The following RPTOR variants were observed in gnomAD, a reference collection of about 807,000 sequenced individuals.
RPTOR encodes regulatory associated protein of MTOR complex 1.
Under a neutral mutation model 169.9 loss-of-function variants are expected in RPTOR, and 21 were observed. The ratio of observed to expected loss-of-function variants is 0.12; its 90% CI spans 0.09 to 0.18. The LOEUF (loss-of-function observed/expected upper bound fraction) is 0.18, where lower values mean the gene tolerates loss of function less well. Among genes scored for constraint, RPTOR ranks in the 10% least tolerant of loss-of-function variants. The pLI, the probability that RPTOR is intolerant of heterozygous loss-of-function variation, is 1.00. For synonymous variants in RPTOR, 732 were observed against 753.2 expected (o/e 0.97, Z 0.46); for missense variants, 1,133 against 1,855.9 (o/e 0.61, Z 7.16).
intron 1 of RPTOR, among the ~76,000 whole-genome samples, chr17:80,567,298 T>A (rs1273799112): frequency 1.3e-5 from 2 of 152,030 alleles, no homozygotes; most frequent in East Asian, 1.9e-4. Context: ...TTTTATTTTT[T>A]TTTTTGGTGG....
At chr17:80,911,142 G>C (rs1055621689) in intron 21 of RPTOR, among the ~76,000 whole-genome samples, 6 of 152,162 alleles carry the variant, frequency 3.9e-5, no homozygotes, top group African/African-American at 1.4e-4. Flanking sequence ...GTTCTTTATG[G>C]TATCACCGGT....
chr17:80,855,986 C>A (rs2067848285), intron 12 of RPTOR, among the ~76,000 whole-genome samples: 1 of 152,212 alleles, frequency 6.6e-6, no homozygotes, highest in African/African-American at 2.4e-5. Flanking sequence ...AAACGCTCTT[C>A]TGGTTCCTCA....
chr17:80,909,360 C>T (rs764351407), intron 21 of RPTOR, among the ~76,000 whole-genome samples: 3 of 151,904 alleles, frequency 2.0e-5, no homozygotes, highest in South Asian at 4.2e-4. Context: ...GGATTACAAG[C>T]GTGAGCCACT....
intron 21 of RPTOR, among the ~76,000 whole-genome samples, chr17:80,918,548 A>ACGGGGGTCATAGCCATGAGCACCCTCG (rs2068707802): frequency 2.3e-5 from 1 of 44,316 alleles, no homozygotes; most frequent in African/African-American, 6.2e-5. Context: ...GAGCACCCTC[A>ACGGGGGTCATAGCCATGAGCACCCTCG]CGGGGGTCAT....
rs372919520 is a variant in RPTOR, at chr17:80,571,999, G to T, written c.162+26208G>T. Among the ~76,000 whole-genome samples the T allele has an allele frequency of 5.8e-4, 88 of 152,312 alleles. 2 individuals carry two copies. The South Asian group carries it at 0.018, about 31-fold the overall frequency. ...AAATTCTTTTAAACAAAAAAATCAG[G>T]TGCTTGAATATATGTTGTTTACTTC... On this transcript the variant is annotated intron_variant, in intron 1 of 33. Coordinates refer to ENST00000306801, the MANE Select transcript of RPTOR (RefSeq NM_020761.3).
At chr17:80,929,990 T>TGGCTCATCCTC (rs575737792) in intron 24 of RPTOR, among the ~76,000 whole-genome samples, 2 of 151,850 alleles carry the variant, frequency 1.3e-5, no homozygotes, top group Non-Finnish European at 2.9e-5. Flanking sequence ...AGTTCATCCT[T>TGGCTCATCCTC]GGCTCATCCT....
chr17:80,751,308 C>T (rs1302163835), intron 5 of RPTOR, among the ~76,000 whole-genome samples: 2 of 152,150 alleles, frequency 1.3e-5, no homozygotes, highest in Non-Finnish European at 2.9e-5. Context: ...AAAAGCAGCC[C>T]TAAAATCAGG....
chr17:80,625,564 G>A (rs539356051), intron 1 of RPTOR, 127 bp from the exon 2 acceptor site: 1 of 691,572 alleles, frequency 1.4e-6, no homozygotes, highest in Non-Finnish European at 2.5e-6. Flanking sequence ...ACAGGCGGAG[G>A]ACTGGCTGGA....
intron 5 of RPTOR, among the ~76,000 whole-genome samples, chr17:80,744,952 G>GTCCTGGTTACTAGCAC: frequency 1.0e-5 from 1 of 97,142 alleles, no homozygotes; most frequent in African/African-American, 5.8e-5. Flanking sequence ...GTTACTAGCA[G>GTCCTGGTTACTAGCAC]AGCCCTGGCT....
At chr17:80,627,992 C>A (rs765456228) in intron 2 of RPTOR, among the ~76,000 whole-genome samples, 1 of 152,092 alleles carries the variant, frequency 6.6e-6, no homozygotes, top group Non-Finnish European at 1.5e-5. Flanking sequence ...GCATGCGCCT[C>A]CACGCCTGGC....
intron 13 of RPTOR, among the ~76,000 whole-genome samples, chr17:80,868,421 A>G (rs1443970192): frequency 6.6e-6 from 1 of 152,224 alleles, no homozygotes; most frequent in Admixed American, 6.5e-5. Context: ...TGCAAACTGC[A>G]CCCACAGTCA....
chr17:80,877,102 T>G (rs1349650435), intron 13 of RPTOR, among the ~76,000 whole-genome samples: 1 of 151,846 alleles, frequency 6.6e-6, no homozygotes, highest in African/African-American at 2.4e-5. Context: ...ACGCAGGGAG[T>G]GTGTGTTGCC....
At chr17:80,946,300 T>G (rs1356952330) in intron 26 of RPTOR, among the ~76,000 whole-genome samples, 3 of 152,250 alleles carry the variant, frequency 2.0e-5, no homozygotes, top group African/African-American at 7.2e-5. Flanking sequence ...CCTCCATTTC[T>G]TTTTCCTCTT....
At chr17:80,675,107 C>T (rs1255876559) in intron 3 of RPTOR, among the ~76,000 whole-genome samples, 1 of 152,094 alleles carries the variant, frequency 6.6e-6, no homozygotes, top group Non-Finnish European at 1.5e-5. Context: ...TGTTTTGAAG[C>T]CTTTCCATTT....
rs796475550 is a variant in RPTOR at position 80,861,768 on chromosome 17, C to A, written c.1509+3868C>A. ...TGCTGCAGGAACGTGTCTAAGCCAA[C>A]TTTGATTCTCAGACTTCGTGTTTTT... On this transcript the variant is annotated intron_variant, in intron 13 of 33. Coordinates refer to ENST00000306801, the MANE Select transcript of RPTOR (RefSeq NM_020761.3). This position sits in a 1 kb window ranked among gnomAD's most constrained non-coding sequence, Gnocchi z 4.5. Among the ~76,000 whole-genome samples, 35 of 152,322 alleles carry A rather than the reference C, an allele frequency of 2.3e-4. No individual in the cohort carries two copies. Among genetic ancestry groups the A allele is most frequent in the African/African-American group, 8.4e-4 (35 of 41,572 alleles).
intron 1 of RPTOR, among the ~76,000 whole-genome samples, chr17:80,587,333 G>A (rs1228196908): frequency 2.6e-5 from 4 of 152,266 alleles, no homozygotes; most frequent in African/African-American, 9.6e-5. Flanking sequence ...AGACACCCGA[G>A]ATCGATTCTG....
At chr17:80,701,262 G>A (rs1477374793) in intron 3 of RPTOR, among the ~76,000 whole-genome samples, 3 of 152,132 alleles carry the variant, frequency 2.0e-5, no homozygotes, top group Non-Finnish European at 2.9e-5. Context: ...GCACTAGGGT[G>A]GAATCATGGG....
At chr17:80,576,673 C>T (rs1285218281) in intron 1 of RPTOR, among the ~76,000 whole-genome samples, 2 of 152,208 alleles carry the variant, frequency 1.3e-5, no homozygotes, top group Non-Finnish European at 2.9e-5. Flanking sequence ...GCCACATTCA[C>T]TTCGTTAGTC....
intron 1 of RPTOR, chr17:80,602,698 T>C: frequency 1.3e-6 from 1 of 746,984 alleles, no homozygotes; most frequent in South Asian, 1.4e-5. Flanking sequence ...ACATTCCTTA[T>C]TCCTTTGGCC....
Sources: gnomAD v4.1 joint callset for allele counts (sites outside exome capture counted in the v4.1 genomes callset) on GRCh38, gnomAD v4.1.1 for gene constraint, Gnocchi (gnomAD v3.1) non-coding constraint, MANE v1.5 for transcripts, NCBI Gene and HGNC (gene_info 2026-07-23, HGNC 2026-07-21) for gene names.